The following ACIN1 variants were observed in gnomAD, a reference collection of about 807,000 sequenced individuals.
ACIN1 encodes apoptotic chromatin condensation inducer in the nucleus.
ACIN1 carries 16 observed loss-of-function variants against 146.6 expected under a neutral mutation model. That is an observed-to-expected ratio of 0.11 (90% CI 0.07 to 0.17). ACIN1 has a LOEUF of 0.17. Ranked by LOEUF, ACIN1 falls within the 10% of genes least tolerant of loss-of-function variation. The probability of loss-of-function intolerance (pLI) is 1.00; values close to 1 mark genes in which losing one functional copy is unlikely to be tolerated. For missense variants in ACIN1, 1,357 were observed against 1,609.3 expected, an observed-to-expected ratio of 0.84 and a Z score of 2.68; for synonymous variants, 569 against 582.7, an observed-to-expected ratio of 0.98 and a Z score of 0.34.
At chr14:23,064,560 A>C in intron 10 of ACIN1, 72 bp from the exon 11 acceptor site, 1 of 1,552,570 alleles carries the variant, frequency 6.4e-7, no homozygotes. Flanking sequence ...TAATACCTAC[A>C]GGTTACCTCT....
intron 16 of ACIN1, 51 bp from the exon 17 acceptor site, chr14:23,061,673 C>T: frequency 6.9e-7 from 1 of 1,454,820 alleles, no homozygotes; most frequent in Non-Finnish European, 9.1e-7. Flanking sequence ...GATATCACTC[C>T]CACTCAAGGA....
chr14:23,059,471 C>A lies in ACIN1; in HGVS notation c.3529G>T (p.Val1177Phe). 1 of 1,613,356 alleles carries A rather than the reference C, an allele frequency of 6.2e-7. No individual in the cohort carries two copies. Among genetic ancestry groups the A allele is most frequent in the Middle Eastern group, 1.6e-4 (1 of 6,062 alleles). ...YWLPLTDSQI[V>F]QKEAERAERA... ...TCGGCCCGCTCTGCCTCTTTCTGAACGATCTGTAGCCAGGTAGGAAAGGCA... is the reference window on the plus strand; with the variant it reads ...TCGGCCCGCTCTGCCTCTTTCTGAAAGATCTGTAGCCAGGTAGGAAAGGCA... The change falls in exon 19 of 19, where the codon GTT becomes TTT. Residue 1177 changes from valine (V) to phenylalanine (F), a missense_variant. Coordinates refer to ENST00000605057, the MANE Select transcript of ACIN1 (RefSeq NM_001386863.1).
At chr14:23,071,151 T>G in intron 8 of ACIN1, 1 of 1,551,662 alleles carries the variant, frequency 6.4e-7, no homozygotes, top group South Asian at 1.2e-5. Context: ...ATAACATGAT[T>G]TTTTTTCTCC....
rs1594752584 is a variant in ACIN1, at chr14:23,068,095, G to A, written c.2265+1381C>T. On this transcript the variant is annotated intron_variant, in intron 9 of 18. Transcript: ENST00000605057. The surrounding 1 kb of genome is among the most constrained non-coding windows in gnomAD (Gnocchi z 4.3). The stretch of plus-strand genomic sequence containing the variant: ...GACCAAAGGAAAGTCCATCTGATGA[G>A]CAAGTGGTGACACATGGGCTGGGCT... 1 of 985,778 alleles carries A rather than the reference G, an allele frequency of 1.0e-6. No homozygotes were observed. Among genetic ancestry groups the A allele is most frequent in the Admixed American group, 6.1e-5 (1 of 16,276 alleles). 61.1% of individuals were successfully genotyped at this position (985,778 alleles called of 1,614,324 possible).
intron 2 of ACIN1, among the ~76,000 whole-genome samples, chr14:23,091,115 G>A (rs1199035877): frequency 6.6e-6 from 1 of 152,038 alleles, no homozygotes; most frequent in African/African-American, 2.4e-5. Context: ...ATGTTGGTCA[G>A]ACGGGTCTCA....
chr14:23,059,032 G>A lies in ACIN1; in HGVS notation c.*116C>T, dbSNP rs1594732445. 3.2e-6 allele frequency: 3 copies of A among 936,230 alleles called. No homozygotes were observed. The highest frequency in any genetic ancestry group is 3.0e-5 in the South Asian group (2 of 66,658). 58.0% of individuals were successfully genotyped at this position (936,230 alleles called of 1,614,324 possible). ...CTTTTCCATTTGGTATGTATGTAGGGATAGGTGATGTGAAAGACCCTTGGC... is the reference window on the plus strand; with the variant it reads ...CTTTTCCATTTGGTATGTATGTAGGAATAGGTGATGTGAAAGACCCTTGGC... On this transcript the variant is annotated 3_prime_UTR_variant, in exon 19 of 19. Coordinates refer to ENST00000605057, the MANE Select transcript of ACIN1 (RefSeq NM_001386863.1).
intron 8 of ACIN1, among the ~76,000 whole-genome samples, chr14:23,075,902 T>C (rs2047790047): frequency 6.6e-6 from 1 of 152,172 alleles, no homozygotes; most frequent in African/African-American, 2.4e-5. Context: ...GGTTTCACCA[T>C]GTTGGTCAGG....
At position 23,090,162 on chromosome 14, in the gene ACIN1, T is replaced by C. The variant is rs2048193000; in HGVS notation, c.317-61A>G. On this transcript the variant is annotated intron_variant, in intron 3 of 18. Coordinates refer to ENST00000605057, the MANE Select transcript of ACIN1 (RefSeq NM_001386863.1). ...GTGAAGGACTCAGCATGTAGGAATA[T>C]GTAGAGGAGTGAAGGAGGTCAGGCA... The C allele has an allele frequency of 8.3e-6, 13 of 1,568,124 alleles. No homozygotes were observed. In the South Asian group the frequency reaches 1.2e-4, roughly 14 times the overall value.
At chr14:23,095,408 G>C, upstream of ACIN1, 2 of 1,259,336 alleles carry the variant, frequency 1.6e-6, no homozygotes, top group Non-Finnish European at 1.1e-6. Flanking sequence ...CCTCGACCCT[G>C]GTATAACCAT....
intron 1 of ACIN1, 86 bp from the exon 2 acceptor site, chr14:23,093,630 A>G: frequency 9.0e-7 from 1 of 1,112,386 alleles, no homozygotes; most frequent in Non-Finnish European, 1.3e-6. Flanking sequence ...TCTAAATTAA[A>G]CGCAATGACT....
chr14:23,071,036 G>C (rs1050592988), intron 8 of ACIN1: 10 of 1,413,724 alleles, frequency 7.1e-6, no homozygotes, highest in Non-Finnish European at 9.7e-6. Context: ...CAAAACGAAA[G>C]ACGGAATGAA....
intron 8 of ACIN1, among the ~76,000 whole-genome samples, chr14:23,072,979 G>A (rs1018934945): frequency 3.9e-5 from 6 of 152,232 alleles, no homozygotes; most frequent in South Asian, 2.1e-4. Flanking sequence ...GTGTAGTTAA[G>A]TGTTAGCTCT....
chr14:23,090,086 G>C lies in ACIN1; in HGVS notation c.332C>G (p.Ser111Trp). ...CTCAGGATGGATCATCTCGTCCTCC[G>C]ACTCAGCTGAAGCTTCTGCAAAGTA... The part of the protein sequence containing the change: ...AAELEEASAE[S>W]EDEMIHPEGV... Residue 111 changes from serine to tryptophan, a missense_variant, in exon 4 of 19, where the codon TCG becomes TGG. By Grantham distance (177) the Ser-to-Trp change is radical. Transcript: ENST00000605057. The C allele has an allele frequency of 6.2e-7, 1 of 1,613,934 alleles. No homozygotes were observed. Among genetic ancestry groups the C allele is most frequent in the Admixed American group, 1.7e-5 (1 of 59,992 alleles).
intron 8 of ACIN1, among the ~76,000 whole-genome samples, chr14:23,073,680 T>A (rs2047723943): frequency 6.6e-6 from 1 of 152,080 alleles, no homozygotes; most frequent in Non-Finnish European, 1.5e-5. Context: ...AAAATTTTTT[T>A]AATAGAATCC....
In ACIN1 at chr14:23,078,239, C is replaced by T. The variant is rs780842266; in HGVS notation, c.2035G>A (p.Glu679Lys). The change falls in exon 8 of 19, where the codon GAG (glutamate) becomes AAG (lysine). Residue 679 changes from glutamate to lysine, a missense_variant. By Grantham distance (56) the Glu-to-Lys change is moderately conservative. Coordinates refer to ENST00000605057, the MANE Select transcript of ACIN1 (RefSeq NM_001386863.1). ...TGTGTGGCAGCTGGTGGCTCTGCCTCTTCAGCTTCACACTTCTTTGGGCTC... is the reference window on the plus strand; with the variant it reads ...TGTGTGGCAGCTGGTGGCTCTGCCTTTTCAGCTTCACACTTCTTTGGGCTC... The part of the protein sequence containing the change: ...RGSPKKCEAE[E>K]AEPPAATQPQ... The T allele has an allele frequency of 6.2e-7, 1 of 1,614,154 alleles. No homozygotes were observed.
In ACIN1 at chr14:23,089,984, G is replaced by A; in HGVS notation, c.434C>T (p.Pro145Leu). 1 of 1,611,132 alleles carries A rather than the reference G, an allele frequency of 6.2e-7. No individual in the cohort carries two copies. Among genetic ancestry groups the A allele is most frequent in the Non-Finnish European group, 8.5e-7 (1 of 1,178,738 alleles). Residue 145 changes from proline (P) to leucine (L), a missense_variant and splice_region_variant, in exon 4 of 19, where the codon CCC becomes CTC. Transcript: ENST00000605057. ...RPELELSRHS[P>L]RKSSSISEEK... The stretch of plus-strand genomic sequence containing the variant: ...GCAGTGGGGAGGGAGATACGTACTG[G>A]GCGAATGTCTGCTGAGCTCCAGCTC...
chr14:23,083,240 T>C (rs1203445637), intron 4 of ACIN1, among the ~76,000 whole-genome samples: 1 of 152,044 alleles, frequency 6.6e-6, no homozygotes, highest in Non-Finnish European at 1.5e-5. Context: ...TGTTTTACTC[T>C]GTCACCCAGG....
At chr14:23,078,370 A>G (rs906639535) in intron 7 of ACIN1, 104 bp from the exon 8 acceptor site, 9 of 827,494 alleles carry the variant, frequency 1.1e-5, no homozygotes, top group Admixed American at 4.7e-5. Flanking sequence ...CATACACAGT[A>G]CCAGCTCCAC....
Position 23,061,742 on chromosome 14 carries a change from G to C in ACIN1, c.3100-120C>G. 3.5e-6 allele frequency: 3 copies of C among 861,848 alleles called. No homozygotes were observed. In the South Asian group the frequency reaches 5.5e-5, roughly 16 times the overall value. The allele number at this position is 861,848 out of a possible 1,614,324, so 53.4% of individuals were successfully genotyped here. A position where few individuals can be genotyped will look rare whatever the true frequency, so the allele number is the denominator to read the frequency against. Reference sequence around the variant, plus strand: ...TAATCCCAGCACTTTGGGAGGCCAAGGCGGTCAGATCACGAGGTCAGGAGA... The same window carrying C: ...TAATCCCAGCACTTTGGGAGGCCAACGCGGTCAGATCACGAGGTCAGGAGA... On this transcript the variant is annotated intron_variant, in intron 16 of 18. Coordinates refer to ENST00000605057, the MANE Select transcript of ACIN1 (RefSeq NM_001386863.1).
Sources: gnomAD v4.1 joint callset for allele counts (sites outside exome capture counted in the v4.1 genomes callset) on GRCh38, gnomAD v4.1.1 for gene constraint, Gnocchi (gnomAD v3.1) non-coding constraint, MANE v1.5 for transcripts, NCBI Gene and HGNC (gene_info 2026-07-23, HGNC 2026-07-21) for gene names.